MAD1L1: variants seen among roughly 807,000 people sequenced by gnomAD.
MAD1L1 encodes mitotic arrest deficient 1 like 1, also known as mitotic spindle assembly checkpoint protein MAD1.
MAD1L1 carries 95 observed loss-of-function variants against 96.9 expected under a neutral mutation model. The ratio of observed to expected loss-of-function variants is 0.98; its 90% CI spans 0.83 to 1.16. MAD1L1 has a LOEUF of 1.16. MAD1L1 is among the 50% of genes most tolerant of loss of function. The pLI, the probability that MAD1L1 is intolerant of heterozygous loss-of-function variation, is 0.00. For synonymous variants in MAD1L1, 473 were observed against 396.6 expected (o/e 1.19, Z -2.29); for missense variants, 1,007 against 954.4 (o/e 1.06, Z -0.73).
chr7:2,177,088 T>C (rs1257915747), intron 10 of MAD1L1, among the ~76,000 whole-genome samples: 2 of 152,186 alleles, frequency 1.3e-5, no homozygotes, highest in Non-Finnish European at 2.9e-5. Context: ...CATTCCATAA[T>C]ATGTTTTAAT....
chr7:2,049,601 C>T (rs540733090), intron 12 of MAD1L1, among the ~76,000 whole-genome samples: 1 of 152,254 alleles, frequency 6.6e-6, no homozygotes, highest in Non-Finnish European at 1.5e-5. Flanking sequence ...TGTGCCTGGA[C>T]CTCACAGACA....
intron 14 of MAD1L1, among the ~76,000 whole-genome samples, chr7:1,997,677 C>T (rs1280201443): frequency 6.6e-6 from 1 of 152,258 alleles, no homozygotes; most frequent in Non-Finnish European, 1.5e-5. Context: ...GAAGGGGCAA[C>T]CTGGAGCCCA....
At chr7:1,832,648 T>C (rs930214770) in intron 18 of MAD1L1, among the ~76,000 whole-genome samples, 1 of 3,234 alleles carries the variant, frequency 3.1e-4, no homozygotes, top group Non-Finnish European at 6.1e-4. Context: ...GGGGGGGGGG[T>C]GGGGATGGAG....
intron 14 of MAD1L1, among the ~76,000 whole-genome samples, chr7:1,990,669 G>A (rs60091459): frequency 0.014 from 2,059 of 152,372 alleles, 39 homozygotes; most frequent in African/African-American, 0.047. Context: ...GAGGAACCGG[G>A]GCCTCACCAC....
intron 16 of MAD1L1, among the ~76,000 whole-genome samples, chr7:1,951,816 C>A (rs1226831086): frequency 6.6e-6 from 1 of 152,192 alleles, no homozygotes; most frequent in Non-Finnish European, 1.5e-5. Context: ...TATGGAAGGA[C>A]CACACTGTGT....
chr7:1,949,228 AGAGTGG>A (rs1779375572), intron 16 of MAD1L1, among the ~76,000 whole-genome samples: 1 of 152,158 alleles, frequency 6.6e-6, no homozygotes, highest in African/African-American at 2.4e-5. Flanking sequence ...TGCTGTCTGT[AGAGTGG>A]TGGCTATGGT....
intron 16 of MAD1L1, among the ~76,000 whole-genome samples, chr7:1,952,755 A>G (rs7798407): frequency 0.86 from 131,038 of 152,218 alleles, 57,721 homozygotes; most frequent in Non-Finnish European, 0.96. Flanking sequence ...CGAGGCCACC[A>G]GGTAACACCA....
At chr7:2,188,427 T>G (rs191110600) in intron 10 of MAD1L1, among the ~76,000 whole-genome samples, 27 of 152,330 alleles carry the variant, frequency 1.8e-4, no homozygotes, top group African/African-American at 6.3e-4. Flanking sequence ...AGAGTCACAC[T>G]TTAAGTCAAA....
chr7:1,919,102 A>AGATC (rs1788612377), intron 17 of MAD1L1, among the ~76,000 whole-genome samples: 1 of 152,228 alleles, frequency 6.6e-6, no homozygotes, highest in Non-Finnish European at 1.5e-5. Context: ...GAGTCTGCAG[A>AGATC]GATCGTCCGC....
chr7:2,041,091 T>G (rs1783652704), intron 12 of MAD1L1, among the ~76,000 whole-genome samples: 1 of 152,182 alleles, frequency 6.6e-6, no homozygotes, highest in East Asian at 1.9e-4. Flanking sequence ...TCCTGAAGCC[T>G]GAGCTACAGC....
At chr7:1,881,454 A>G (rs1583641360) in intron 18 of MAD1L1, among the ~76,000 whole-genome samples, 1 of 152,376 alleles carries the variant, frequency 6.6e-6, no homozygotes, top group East Asian at 1.9e-4. Flanking sequence ...CTAAAGAAGT[A>G]GCCAGAGAAA....
chr7:2,166,140 G>A (rs879406131), intron 10 of MAD1L1, among the ~76,000 whole-genome samples: 1 of 152,192 alleles, frequency 6.6e-6, no homozygotes, highest in Non-Finnish European at 1.5e-5. Context: ...GGTCCATCCA[G>A]ACCTCGCCTC....
chr7:2,165,182 C>T (rs550342832), intron 10 of MAD1L1, among the ~76,000 whole-genome samples: 1 of 148,170 alleles, frequency 6.7e-6, no homozygotes, highest in African/African-American at 2.5e-5. Context: ...CCAGCCTGGG[C>T]GACAAAGTGA....
intron 11 of MAD1L1, among the ~76,000 whole-genome samples, chr7:2,123,031 C>G (rs1165021344): frequency 2.0e-5 from 3 of 150,604 alleles, no homozygotes; most frequent in African/African-American, 7.3e-5. Context: ...GAGCCGGGCG[C>G]AGTGGCTCAC....
At chr7:1,850,927 C>A (rs1349416471) in intron 18 of MAD1L1, among the ~76,000 whole-genome samples, 1 of 152,170 alleles carries the variant, frequency 6.6e-6, no homozygotes, top group Non-Finnish European at 1.5e-5. Context: ...AAGCAGCTTC[C>A]GGGCATCAGA....
At chr7:1,916,084 A>G (rs1788371609) in intron 17 of MAD1L1, among the ~76,000 whole-genome samples, 2 of 151,622 alleles carry the variant, frequency 1.3e-5, no homozygotes, top group South Asian at 4.2e-4. Flanking sequence ...GAGGAAGTGC[A>G]GGCATCCCCA....
At chr7:1,907,018 C>T (rs756250583) in intron 17 of MAD1L1, among the ~76,000 whole-genome samples, 1 of 152,216 alleles carries the variant, frequency 6.6e-6, no homozygotes, top group Admixed American at 6.5e-5. Context: ...CATGCCACTG[C>T]CCCGCCCCCA....
intron 10 of MAD1L1, among the ~76,000 whole-genome samples, chr7:2,152,168 G>A (rs994356555): frequency 2.0e-5 from 3 of 152,206 alleles, no homozygotes; most frequent in Admixed American, 6.5e-5. Context: ...CAGCCCTCGG[G>A]AGCACTGTCA....
chr7:1,935,800 C>T (rs954155152), intron 17 of MAD1L1, among the ~76,000 whole-genome samples: 5 of 152,240 alleles, frequency 3.3e-5, no homozygotes, highest in Non-Finnish European at 7.3e-5. Context: ...CAGAAAGCAG[C>T]AGCCTCCAGG....
Sources: allele counts gnomAD v4.1 joint callset (sites outside exome capture counted in the v4.1 genomes callset), GRCh38; gene constraint gnomAD v4.1.1; transcripts MANE v1.5; gene names NCBI Gene and HGNC (gene_info 2026-07-23, HGNC 2026-07-21).